Variants in ANKS1B observed in about 807,000 individuals in gnomAD.
ANKS1B encodes ankyrin repeat and sterile alpha motif domain containing 1B.
Under a neutral mutation model 148.3 loss-of-function variants are expected in ANKS1B, and 36 were observed. The observed-to-expected ratio is 0.24, with a 90% CI of 0.19 to 0.32. The LOEUF is 0.32. Ranked by LOEUF, ANKS1B falls within the 10% of genes least tolerant of loss-of-function variation. ANKS1B has a pLI of 1.00. For synonymous variants in ANKS1B, 542 were observed against 560.8 expected (o/e 0.97, Z 0.47); for missense variants, 1,157 against 1,542.6 (o/e 0.75, Z 4.19).
chr12:99,804,813 T>C (rs1427490002), intron 4 of ANKS1B, among the ~76,000 whole-genome samples: 1 of 152,138 alleles, frequency 6.6e-6, no homozygotes, highest in African/African-American at 2.4e-5. Context: ...GAAGTGAAGG[T>C]GTACTAGTTC....
chr12:99,913,497 GA>G (rs1319465297), intron 1 of ANKS1B, among the ~76,000 whole-genome samples: 6 of 151,736 alleles, frequency 4.0e-5, no homozygotes, highest in Admixed American at 1.3e-4. Flanking sequence ...TTGAAATAAA[GA>G]AAAAAAATTT....
At chr12:99,040,053 G>A (rs1598844452) in intron 17 of ANKS1B, among the ~76,000 whole-genome samples, 1 of 152,098 alleles carries the variant, frequency 6.6e-6, no homozygotes, top group Non-Finnish European at 1.5e-5. Flanking sequence ...GGGACTGCGG[G>A]AAAAAGGATG....
At chr12:99,572,044 G>A (rs2097461382) in intron 9 of ANKS1B, among the ~76,000 whole-genome samples, 1 of 152,080 alleles carries the variant, frequency 6.6e-6, no homozygotes. Context: ...AATGGGATGA[G>A]ATGTGATAAC....
chr12:98,800,931 C>T (rs1472346045), intron 21 of ANKS1B, 66 bp downstream of exon 21: 1 of 1,522,300 alleles, frequency 6.6e-7, no homozygotes, highest in East Asian at 2.3e-5. Context: ...AATGTAAATG[C>T]AAACAAGCTG....
At chr12:98,962,686 T>C (rs1454858873) in intron 17 of ANKS1B, among the ~76,000 whole-genome samples, 4 of 152,292 alleles carry the variant, frequency 2.6e-5, no homozygotes, top group Non-Finnish European at 5.9e-5. Context: ...ATAGACTGTA[T>C]GTTAGGCCAC....
chr12:99,582,091 T>A (rs1225888376), intron 9 of ANKS1B, among the ~76,000 whole-genome samples: 1 of 151,792 alleles, frequency 6.6e-6, no homozygotes, highest in East Asian at 1.9e-4. Context: ...GAATGGCAAA[T>A]AATAAGCACA....
chr12:99,437,994 G>T (rs914400988), intron 11 of ANKS1B, among the ~76,000 whole-genome samples: 1 of 151,910 alleles, frequency 6.6e-6, no homozygotes, highest in Non-Finnish European at 1.5e-5. Context: ...GCCAAATAAA[G>T]TGACATTTTG....
chr12:99,443,353 G>C (rs1049080260), intron 11 of ANKS1B, among the ~76,000 whole-genome samples: 3 of 151,920 alleles, frequency 2.0e-5, no homozygotes, highest in Non-Finnish European at 4.4e-5. Context: ...GGAAACACCA[G>C]AAAATATGTA....
intron 1 of ANKS1B, among the ~76,000 whole-genome samples, chr12:99,957,362 C>G (rs2095340209): frequency 6.6e-6 from 1 of 152,162 alleles, no homozygotes; most frequent in Non-Finnish European, 1.5e-5. Flanking sequence ...CGGCAATTTA[C>G]TTTTTCATTT....
At chr12:99,804,063 T>A (rs2067295607) in intron 4 of ANKS1B, among the ~76,000 whole-genome samples, 1 of 152,176 alleles carries the variant, frequency 6.6e-6, no homozygotes, top group Non-Finnish European at 1.5e-5. Context: ...TTAAACTCTT[T>A]CCCTTCTGGT....
At chr12:98,979,766 G>A (rs1396084739) in intron 17 of ANKS1B, among the ~76,000 whole-genome samples, 2 of 151,944 alleles carry the variant, frequency 1.3e-5, no homozygotes, top group Admixed American at 1.3e-4. Context: ...TATCTTGCTT[G>A]AGGTTTGTTG....
At chr12:99,720,691 G>A (rs1321042052) in intron 8 of ANKS1B, among the ~76,000 whole-genome samples, 2 of 152,108 alleles carry the variant, frequency 1.3e-5, no homozygotes, top group African/African-American at 4.8e-5. Context: ...CTCCTGTATG[G>A]ACGCTCCTTT....
chr12:99,675,961 C>A (rs988181362), intron 8 of ANKS1B, among the ~76,000 whole-genome samples: 21 of 152,140 alleles, frequency 1.4e-4, no homozygotes, highest in Non-Finnish European at 1.5e-4. Flanking sequence ...TTTGTCCCCA[C>A]TCAAATCTCA....
At chr12:98,912,092 TTTATTAA>T (rs1296609486) in intron 17 of ANKS1B, among the ~76,000 whole-genome samples, 1 of 152,244 alleles carries the variant, frequency 6.6e-6, no homozygotes, top group East Asian at 1.9e-4. Flanking sequence ...TTCTAAATGC[TTTATTAA>T]ATGTACTTAC....
In ANKS1B at chr12:99,806,455, G is replaced by A. The variant is rs375296204; in HGVS notation, c.618C>T (p.His206=). 16 of 1,613,866 alleles carry A rather than the reference G, an allele frequency of 9.9e-6. No homozygotes were observed. The African/African-American group carries it at 2.1e-4, about 22-fold the overall frequency. The stretch of plus-strand genomic sequence containing the variant: ...CCAGCAGCACCTGCACGACTGCTTT[G>A]TGGCCATTGCGCGCAGCAAGGTGAA... The part of the protein sequence containing the change: ...TPLHLAARNG[H]KAVVQVLLEA... Residue 206 remains histidine (H), a synonymous_variant, in exon 4 of 27, where the codon CAC becomes CAT. Transcript: ENST00000683438.
intron 17 of ANKS1B, among the ~76,000 whole-genome samples, chr12:98,981,823 G>C (rs187498530): frequency 3.0e-4 from 46 of 152,320 alleles, no homozygotes; most frequent in African/African-American, 1.1e-3. Flanking sequence ...AATGTAATAT[G>C]ATGTAAGTAA....
chr12:99,091,960 A>C (rs1360257288), intron 15 of ANKS1B, among the ~76,000 whole-genome samples: 2 of 152,240 alleles, frequency 1.3e-5, no homozygotes, highest in East Asian at 3.9e-4. Flanking sequence ...GAGTCATCTG[A>C]AATTCACATT....
At chr12:99,679,055 A>G (rs1367753698) in intron 8 of ANKS1B, among the ~76,000 whole-genome samples, 1 of 152,210 alleles carries the variant, frequency 6.6e-6, no homozygotes. Flanking sequence ...GTCACTGAAG[A>G]AAAGTAATTT....
chr12:99,978,361 T>C (rs1450611939), intron 1 of ANKS1B, among the ~76,000 whole-genome samples: 1 of 152,162 alleles, frequency 6.6e-6, no homozygotes, highest in Non-Finnish European at 1.5e-5. Flanking sequence ...CTGAAAACCC[T>C]GCTCAGTGGA....
Sources: gnomAD v4.1 joint callset for allele counts (sites outside exome capture counted in the v4.1 genomes callset) on GRCh38, gnomAD v4.1.1 for gene constraint, MANE v1.5 for transcripts, NCBI Gene and HGNC (gene_info 2026-07-23, HGNC 2026-07-21) for gene names.